FAR2: variants seen among roughly 807,000 people sequenced by gnomAD.
The protein encoded by FAR2 is fatty acyl-CoA reductase 2, also known as epididymis secretory protein Li 81.
In FAR2, 19 loss-of-function variants were observed where a neutral mutation model predicts 56.0. That is an observed-to-expected ratio of 0.34 (90% CI 0.24 to 0.50). The LOEUF is 0.50. Ranked by LOEUF, FAR2 falls within the 20% of genes least tolerant of loss-of-function variation. The probability of loss-of-function intolerance (pLI) is 0.98; values close to 1 mark genes in which losing one functional copy is unlikely to be tolerated. For synonymous variants in FAR2, 219 were observed against 218.8 expected (o/e 1.00, Z -0.01); for missense variants, 508 against 642.2 (o/e 0.79, Z 2.26).
At chr12:29,239,452 C>CTGTGTGTGTGTGTGTGTGTG (rs34821915) in intron 1 of FAR2, among the ~76,000 whole-genome samples, 11 of 147,832 alleles carry the variant, frequency 7.4e-5, no homozygotes, top group East Asian at 6.0e-4. Context: ...AATGAATCAA[C>CTGTGTGTGTGTGTGTGTGTG]TGTGTGTGTG....
intron 1 of FAR2, among the ~76,000 whole-genome samples, chr12:29,206,244 A>T (rs1015297757): frequency 1.3e-5 from 2 of 152,216 alleles, no homozygotes; most frequent in Non-Finnish European, 2.9e-5. Context: ...TCTATTGCCT[A>T]TTGAACTTTT....
chr12:29,290,309 G>T (rs937016467), intron 2 of FAR2, among the ~76,000 whole-genome samples: 13 of 152,090 alleles, frequency 8.5e-5, no homozygotes, highest in African/African-American at 3.1e-4. Context: ...GGCCAGACAT[G>T]GTGGTGCATA....
At chr12:29,211,915 G>GAC (rs145889155) in intron 1 of FAR2, among the ~76,000 whole-genome samples, 11 of 147,906 alleles carry the variant, frequency 7.4e-5, no homozygotes, top group African/African-American at 2.0e-4. Flanking sequence ...TGGACACAGA[G>GAC]ACACACACAC....
chr12:29,237,415 A>G (rs1223396158), intron 1 of FAR2, among the ~76,000 whole-genome samples: 1 of 152,216 alleles, frequency 6.6e-6, no homozygotes, highest in Non-Finnish European at 1.5e-5. Context: ...ACTCAGAGTT[A>G]AAAAAGCAAA....
chr12:29,246,555 G>T (rs1948130529), intron 1 of FAR2, among the ~76,000 whole-genome samples: 1 of 152,074 alleles, frequency 6.6e-6, no homozygotes, highest in Non-Finnish European at 1.5e-5. Context: ...ACAGATATTT[G>T]CCCTATATAC....
rs147746412 is a variant in FAR2, at chr12:29,201,100, C to T, written c.-39+51693C>T. Among the ~76,000 whole-genome samples the T allele has an allele frequency of 9.9e-3, 1,505 of 152,198 alleles. 27 individuals carry two copies. Among genetic ancestry groups the T allele is most frequent in the African/African-American group, 0.034 (1,423 of 41,520 alleles). The stretch of plus-strand genomic sequence containing the variant: ...TTCCACCCTGTCTAGCATTTGGATG[C>T]CCTATACATCATCTTCCTTTCCGTC... On this transcript the variant is annotated intron_variant, in intron 1 of 11. Coordinates refer to ENST00000536681, the MANE Select transcript of FAR2 (RefSeq NM_001271783.2).
At chr12:29,240,980 A>G (rs1948024780) in intron 1 of FAR2, among the ~76,000 whole-genome samples, 1 of 152,004 alleles carries the variant, frequency 6.6e-6, no homozygotes, top group African/African-American at 2.4e-5. Flanking sequence ...TAGTTTTTGT[A>G]TTTTTAGTAG....
intron 9 of FAR2, among the ~76,000 whole-genome samples, chr12:29,319,559 T>C (rs761300049): frequency 1.4e-4 from 22 of 152,286 alleles, no homozygotes; most frequent in Non-Finnish European, 2.6e-4. Context: ...ATATTTCATA[T>C]ATTTTCTCCA....
At chr12:29,283,578 CTG>C (rs1052554320) in intron 2 of FAR2, among the ~76,000 whole-genome samples, 16 of 150,146 alleles carry the variant, frequency 1.1e-4, no homozygotes, top group East Asian at 9.7e-4. Context: ...AGTTTTGAAA[CTG>C]TTTATCAAAA....
chr12:29,157,196 A>G (rs1376643422), intron 1 of FAR2, among the ~76,000 whole-genome samples: 2 of 146,664 alleles, frequency 1.4e-5, no homozygotes, highest in Non-Finnish European at 3.0e-5. Context: ...TGATTAAACA[A>G]TGTGGTTAAA....
At chr12:29,268,188 T>C (rs1948550506) in intron 1 of FAR2, among the ~76,000 whole-genome samples, 1 of 152,152 alleles carries the variant, frequency 6.6e-6, no homozygotes, top group African/African-American at 2.4e-5. Flanking sequence ...TCTAGTTGTT[T>C]TTTTCTTCTT....
chr12:29,193,621 T>C (rs984335636), intron 1 of FAR2, among the ~76,000 whole-genome samples: 2 of 152,226 alleles, frequency 1.3e-5, no homozygotes, highest in Non-Finnish European at 2.9e-5. Context: ...TGTCTAAAGA[T>C]ACTACAGTTT....
In FAR2 at chr12:29,321,645, G is replaced by A. The variant is rs546599224; in HGVS notation, c.1128-150G>A. The A allele has an allele frequency of 1.6e-3, 1,396 of 873,108 alleles. 3 individuals carry two copies. The highest frequency in any genetic ancestry group is 2.1e-3 in the Non-Finnish European group (1,256 of 606,450). The allele number at this position is 873,108 out of a possible 1,614,324, so 54.1% of individuals were successfully genotyped here. A position where few individuals can be genotyped will look rare whatever the true frequency, so the allele number is the denominator to read the frequency against. On this transcript the variant is annotated intron_variant, in intron 9 of 11. Coordinates refer to ENST00000536681, the MANE Select transcript of FAR2 (RefSeq NM_001271783.2). ...TCTGTTGAATGAATAGAGAGTTAAT[G>A]TGGAAGGAGAAAAAAGAAGAAGAAT... is the stretch of plus-strand genomic sequence containing the variant.
At chr12:29,200,347 A>G (rs1298667239) in intron 1 of FAR2, among the ~76,000 whole-genome samples, 1 of 152,260 alleles carries the variant, frequency 6.6e-6, no homozygotes. Flanking sequence ...CACCAGGCAG[A>G]TAAGAAGAAA....
chr12:29,333,116 C>G, intron 11 of FAR2: 1 of 332,586 alleles, frequency 3.0e-6, no homozygotes, highest in Non-Finnish European at 5.8e-6. Context: ...AAAAAAGTCA[C>G]TCCTCAATTT....
At chr12:29,173,036 A>G (rs569233125) in intron 1 of FAR2, among the ~76,000 whole-genome samples, 1 of 152,194 alleles carries the variant, frequency 6.6e-6, no homozygotes, top group Admixed American at 6.5e-5. Flanking sequence ...CTAAAGCTGC[A>G]TTCTTTTAAC....
intron 1 of FAR2, among the ~76,000 whole-genome samples, chr12:29,253,303 ATATC>A (rs951985026): frequency 4.7e-5 from 7 of 149,672 alleles, no homozygotes; most frequent in Admixed American, 2.7e-4. Context: ...ATCTAGATAG[ATATC>A]TATATATCTA....
In FAR2 at chr12:29,166,725, C is replaced by T. The variant is rs556513855; in HGVS notation, c.-39+17318C>T. ...GAAACCTACTTCCAAGGCAAGTCCT[C>T]AGGCTTTGACATTGCTCCAGACAGC... On this transcript the variant is annotated intron_variant, in intron 1 of 11. Transcript: ENST00000536681. 9.8e-5 allele frequency among the ~76,000 whole-genome samples: 15 copies of T among 152,308 alleles called. 1 individual carries two copies. Among genetic ancestry groups the T allele is most frequent in the Admixed American group, 8.5e-4 (13 of 15,290 alleles).
intron 1 of FAR2, among the ~76,000 whole-genome samples, chr12:29,173,732 A>G (rs1032030365): frequency 4.6e-5 from 7 of 152,164 alleles, no homozygotes; most frequent in Admixed American, 4.6e-4. Flanking sequence ...AACCGTCCGC[A>G]GTTTTGGTTT....
Sources: allele counts gnomAD v4.1 joint callset (sites outside exome capture counted in the v4.1 genomes callset), GRCh38; gene constraint gnomAD v4.1.1; transcripts MANE v1.5; gene names NCBI Gene and HGNC (gene_info 2026-07-23, HGNC 2026-07-21).